NPIPB2: variants seen among roughly 807,000 people sequenced by gnomAD.
NPIPB2 encodes nuclear pore complex-interacting protein family member B2.
A neutral mutation model predicts 30.8 loss-of-function variants in NPIPB2; 27 were observed. The ratio of observed to expected loss-of-function variants is 0.88; its 90% confidence interval spans 0.65 to 1.21. The LOEUF (loss-of-function observed/expected upper bound fraction) is 1.21. NPIPB2 is among the 50% of genes most tolerant of loss of function. The pLI is 0.00. For missense variants in NPIPB2, 440 were observed against 446.2 expected (o/e 0.99, Z 0.13); for synonymous variants, 147 against 162.0 (o/e 0.91, Z 0.70).
chr16:11,942,477 C>G, upstream of NPIPB2, among the ~76,000 whole-genome samples: 2 of 150,610 alleles, frequency 1.3e-5, 1 homozygote, highest in Non-Finnish European at 3.0e-5. Flanking sequence ...TCACCCCTAA[C>G]CCACCTAGAC....
intron 1 of NPIPB2, among the ~76,000 whole-genome samples, chr16:11,955,638 T>C (rs1333309759): frequency 6.6e-6 from 1 of 151,484 alleles, no homozygotes; most frequent in Non-Finnish European, 1.5e-5. Flanking sequence ...GGAGAATTGC[T>C]TGAACCTGAG....
intron 2 of NPIPB2, among the ~76,000 whole-genome samples, chr16:11,936,904 C>T (rs371057816): frequency 6.6e-6 from 1 of 151,506 alleles, no homozygotes; most frequent in Non-Finnish European, 1.5e-5. Context: ...TTTGTCACCT[C>T]GTCCCTATGA....
chr16:11,931,449 C>T (rs914458138), intron 4 of NPIPB2, among the ~76,000 whole-genome samples: 8 of 148,712 alleles, frequency 5.4e-5, no homozygotes, highest in South Asian at 2.1e-4. Context: ...GAAACAGGGG[C>T]GAAAACACTT....
intron 1 of NPIPB2, among the ~76,000 whole-genome samples, chr16:11,975,238 C>T (rs1229334539): frequency 8.6e-6 from 1 of 116,502 alleles, no homozygotes; most frequent in Non-Finnish European, 1.8e-5. Flanking sequence ...AGCTCCGCCT[C>T]CCGGGTTCAC....
chr16:11,931,904 G>A (rs1225102411), intron 4 of NPIPB2, among the ~76,000 whole-genome samples: 10 of 152,032 alleles, frequency 6.6e-5, no homozygotes, highest in Non-Finnish European at 1.3e-4. Flanking sequence ...CCATTTCCCT[G>A]AGTTTCATTG....
At chr16:11,955,587 C>G (rs986942600) in intron 1 of NPIPB2, among the ~76,000 whole-genome samples, 1 of 151,352 alleles carries the variant, frequency 6.6e-6, no homozygotes, top group East Asian at 1.9e-4. Context: ...CATGGTGGCA[C>G]GCCCCTTTAT....
At chr16:11,930,334 C>T in intron 5 of NPIPB2, 116 bp downstream of exon 5, 1 of 998,512 alleles carries the variant, frequency 1.0e-6, no homozygotes, top group Non-Finnish European at 1.5e-6. Flanking sequence ...CACGATATGT[C>T]TTCTGACCAT....
At chr16:11,966,096 G>C (rs1397041775) in intron 1 of NPIPB2, 2 of 1,312,100 alleles carry the variant, frequency 1.5e-6, no homozygotes, top group Non-Finnish European at 2.1e-6. Context: ...GGGCAACAGA[G>C]CAAGACTTTG....
At chr16:11,957,505 G>T (rs1358213239) in intron 1 of NPIPB2, among the ~76,000 whole-genome samples, 2 of 151,728 alleles carry the variant, frequency 1.3e-5, no homozygotes, top group East Asian at 3.9e-4. Flanking sequence ...TGTTGGCCAG[G>T]CTGGTCTTGA....
intron 1 of NPIPB2, among the ~76,000 whole-genome samples, chr16:11,969,925 C>T (rs1011064743): frequency 8.4e-6 from 1 of 119,628 alleles, no homozygotes; most frequent in African/African-American, 3.2e-5. Context: ...CTGGCATCAT[C>T]TTGGCTCACT....
At chr16:11,945,169 A>G (rs1028592896), upstream of NPIPB2, among the ~76,000 whole-genome samples, 3 of 151,914 alleles carry the variant, frequency 2.0e-5, no homozygotes, top group African/African-American at 7.3e-5. Context: ...CTGGGCAATA[A>G]AAGCAAAACT....
intron 2 of NPIPB2, among the ~76,000 whole-genome samples, chr16:11,934,258 A>AC (rs71139504): frequency 1.4e-5 from 2 of 140,466 alleles, no homozygotes; most frequent in African/African-American, 5.2e-5. Flanking sequence ...ACACACACAC[A>AC]TAAGAATGAC....
At chr16:11,949,602 C>G (rs2055045029) in intron 1 of NPIPB2, among the ~76,000 whole-genome samples, 1 of 152,220 alleles carries the variant, frequency 6.6e-6, no homozygotes, top group Non-Finnish European at 1.5e-5. Flanking sequence ...GAGAATGCAG[C>G]TTATCTTGCT....
exon 8 of NPIPB2, chr16:11,927,475 G>A (rs256390): frequency 0.77 from 1,027,930 of 1,329,030 alleles, 395,629 homozygotes; most frequent in Non-Finnish European, 0.81. Flanking sequence ...TCTTGGGTTC[G>A]GGTGGTGATT....
At chr16:11,954,539 A>C (rs2055094290) in intron 1 of NPIPB2, among the ~76,000 whole-genome samples, 1 of 151,928 alleles carries the variant, frequency 6.6e-6, no homozygotes, top group African/African-American at 2.4e-5. Flanking sequence ...TTTTATGTAT[A>C]ATTGAGAAAT....
At chr16:11,970,214 T>C (rs1031571429) in intron 1 of NPIPB2, among the ~76,000 whole-genome samples, 2 of 151,468 alleles carry the variant, frequency 1.3e-5, no homozygotes, top group Admixed American at 6.6e-5. Flanking sequence ...TTTTTATTCA[T>C]TTATTTATTT....
upstream of NPIPB2, among the ~76,000 whole-genome samples, chr16:11,944,518 T>C (rs2054981644): frequency 6.6e-6 from 1 of 150,878 alleles, no homozygotes; most frequent in Admixed American, 6.6e-5. Context: ...ATCCCAGCAC[T>C]TTGGGAGGCC....
chr16:11,959,758 A>C (rs1567476905), intron 1 of NPIPB2, among the ~76,000 whole-genome samples: 1 of 152,156 alleles, frequency 6.6e-6, no homozygotes, highest in East Asian at 1.9e-4. Flanking sequence ...CTATTCAGAC[A>C]CTACCTATTT....
chr16:11,933,602 T>G (rs2054821417), exon 4 of NPIPB2: 1 of 1,492,766 alleles, frequency 6.7e-7, no homozygotes. Flanking sequence ...ATTTTAGCTC[T>G]ACCTTTTGTT....
Sources: allele counts gnomAD v4.1 joint callset (sites outside exome capture counted in the v4.1 genomes callset), GRCh38; gene constraint gnomAD v4.1.1; transcripts MANE v1.5; gene names NCBI Gene and HGNC (gene_info 2026-07-23, HGNC 2026-07-21).